The following CNTN5 variants were observed in gnomAD, a reference collection of about 807,000 sequenced individuals.
The protein encoded by CNTN5 is contactin 5.
CNTN5 carries 77 observed loss-of-function variants against 129.1 expected under a neutral mutation model. The observed-to-expected ratio is 0.60, with a 90% CI of 0.50 to 0.72. The LOEUF is 0.72. CNTN5 is among the 30% of genes least tolerant of loss of function. The probability of loss-of-function intolerance (pLI) is 0.00; values close to 1 mark genes in which losing one functional copy is unlikely to be tolerated. For synonymous variants in CNTN5, 509 were observed against 465.6 expected (o/e 1.09, Z -1.20); for missense variants, 1,478 against 1,328.8 (o/e 1.11, Z -1.75).
intron 17 of CNTN5, among the ~76,000 whole-genome samples, chr11:100,262,435 A>C (rs1271902138): frequency 6.6e-6 from 1 of 152,210 alleles, no homozygotes. Context: ...CAATCCTATT[A>C]CTGGGTATAT....
intron 16 of CNTN5, among the ~76,000 whole-genome samples, chr11:100,226,377 A>AT (rs1949378339): frequency 6.6e-6 from 1 of 152,124 alleles, no homozygotes; most frequent in Non-Finnish European, 1.5e-5. Flanking sequence ...GAAACCAGGT[A>AT]TTTTTACTGG....
At chr11:99,793,450 G>C (rs989339310) in intron 3 of CNTN5, among the ~76,000 whole-genome samples, 1 of 152,050 alleles carries the variant, frequency 6.6e-6, no homozygotes, top group Admixed American at 6.6e-5. Flanking sequence ...TTTCAGCTCT[G>C]ATTTTATTTC....
intron 23 of CNTN5, among the ~76,000 whole-genome samples, chr11:100,345,076 C>A (rs1423144404): frequency 6.6e-6 from 1 of 152,084 alleles, no homozygotes; most frequent in African/African-American, 2.4e-5. Flanking sequence ...CAAGAAAGCA[C>A]TGTCTTAGTC....
At chr11:99,240,212 G>T (rs1377619283) in intron 1 of CNTN5, among the ~76,000 whole-genome samples, 4 of 152,078 alleles carry the variant, frequency 2.6e-5, no homozygotes, top group Admixed American at 2.0e-4. Flanking sequence ...TTTGCCTGGG[G>T]TTGCCTTTAA....
chr11:99,231,634 G>C (rs1346165843), intron 1 of CNTN5, among the ~76,000 whole-genome samples: 1 of 152,034 alleles, frequency 6.6e-6, no homozygotes, highest in Non-Finnish European at 1.5e-5. Flanking sequence ...AATTTCCTGT[G>C]CAGAAGCTCT....
intron 1 of CNTN5, among the ~76,000 whole-genome samples, chr11:99,040,298 A>G (rs1405371742): frequency 6.6e-6 from 1 of 152,180 alleles, no homozygotes. Context: ...AAAGACAAAT[A>G]CCATGAAAAC....
chr11:100,039,482 A>C (rs1942246201), intron 9 of CNTN5, among the ~76,000 whole-genome samples: 2 of 152,026 alleles, frequency 1.3e-5, no homozygotes, highest in Non-Finnish European at 2.9e-5. Context: ...TCTTTATGGC[A>C]TTCTCTGTAT....
intron 2 of CNTN5, among the ~76,000 whole-genome samples, chr11:99,518,581 T>A (rs993195266): frequency 6.6e-6 from 1 of 152,042 alleles, no homozygotes; most frequent in Non-Finnish European, 1.5e-5. Context: ...ATGTTTTACA[T>A]TGGAAAAGTG....
chr11:100,034,466 G>A (rs1312154521), intron 9 of CNTN5, among the ~76,000 whole-genome samples: 4 of 152,094 alleles, frequency 2.6e-5, no homozygotes, highest in Non-Finnish European at 5.9e-5. Context: ...AACTAGACCA[G>A]AGTAATCATT....
intron 1 of CNTN5, among the ~76,000 whole-genome samples, chr11:99,156,361 AT>A (rs909224903): frequency 6.6e-6 from 1 of 152,148 alleles, no homozygotes; most frequent in South Asian, 2.1e-4. Flanking sequence ...CAATAATTGG[AT>A]TTTTTTATCA....
At chr11:100,340,221 G>A (rs1189712888) in intron 21 of CNTN5, among the ~76,000 whole-genome samples, 3 of 152,186 alleles carry the variant, frequency 2.0e-5, no homozygotes, top group Non-Finnish European at 2.9e-5. Context: ...AGGCTACAAA[G>A]TAGCAGGTTT....
intron 6 of CNTN5, among the ~76,000 whole-genome samples, chr11:99,882,858 T>G (rs1347016673): frequency 6.6e-6 from 1 of 152,180 alleles, no homozygotes; most frequent in Non-Finnish European, 1.5e-5. Flanking sequence ...ATGTCCTCTT[T>G]ATTCCCCCCA....
intron 1 of CNTN5, among the ~76,000 whole-genome samples, chr11:99,324,508 A>T (rs1159783219): frequency 1.3e-5 from 2 of 152,196 alleles, no homozygotes; most frequent in Admixed American, 6.5e-5. Context: ...ATGTTATTAG[A>T]TTCTTATTTG....
intron 2 of CNTN5, among the ~76,000 whole-genome samples, chr11:99,380,698 G>A (rs1023430405): frequency 6.7e-6 from 1 of 149,802 alleles, no homozygotes; most frequent in South Asian, 2.1e-4. Flanking sequence ...AACCCGGGAG[G>A]TGGAGGTTGC....
At chr11:99,523,649 TAGAA>T (rs1565258614) in intron 2 of CNTN5, among the ~76,000 whole-genome samples, 94 of 116,550 alleles carry the variant, frequency 8.1e-4, no homozygotes, top group East Asian at 4.2e-3. Flanking sequence ...TAGAATAGAA[TAGAA>T]CAGAACAGAT....
chr11:99,032,216 G>A (rs188100340), intron 1 of CNTN5, among the ~76,000 whole-genome samples: 2,240 of 152,034 alleles, frequency 0.015, 34 homozygotes, highest in African/African-American at 0.041. Context: ...GAATAATGCC[G>A]CAATAAGCAT....
intron 9 of CNTN5, among the ~76,000 whole-genome samples, chr11:100,030,538 CCAATGTCA>C (rs1941654916): frequency 6.6e-6 from 1 of 152,178 alleles, no homozygotes. Flanking sequence ...CCATTGTGAA[CCAATGTCA>C]CAAGTGTGCC....
chr11:99,892,738 T>C (rs1273408741), intron 6 of CNTN5, among the ~76,000 whole-genome samples: 4 of 152,176 alleles, frequency 2.6e-5, no homozygotes, highest in Middle Eastern at 3.2e-3. Flanking sequence ...AGCCTTGTAG[T>C]ATAGTTTAAA....
At chr11:99,807,227 T>C (rs1946300903) in intron 3 of CNTN5, among the ~76,000 whole-genome samples, 1 of 152,158 alleles carries the variant, frequency 6.6e-6, no homozygotes, top group South Asian at 2.1e-4. Context: ...TATTGCTCTT[T>C]TATGATGCTA....
Sources: gnomAD v4.1 joint callset for allele counts (sites outside exome capture counted in the v4.1 genomes callset) on GRCh38, gnomAD v4.1.1 for gene constraint, MANE v1.5 for transcripts, NCBI Gene and HGNC (gene_info 2026-07-23, HGNC 2026-07-21) for gene names.